SIPA1L2: variants seen among roughly 807,000 people sequenced by gnomAD.
SIPA1L2 encodes the protein signal-induced proliferation-associated 1-like protein 2.
In SIPA1L2, 56 loss-of-function variants were observed where a neutral mutation model predicts 163.9. The ratio of observed to expected loss-of-function variants is 0.34; its 90% CI spans 0.28 to 0.43. The LOEUF (loss-of-function observed/expected upper bound fraction) is 0.43. Ranked by LOEUF, SIPA1L2 falls within the 20% of genes least tolerant of loss-of-function variation. SIPA1L2 has a pLI of 1.00. For missense variants in SIPA1L2, 1,974 were observed against 2,193.5 expected (o/e 0.90, Z 2.00); for synonymous variants, 877 against 865.7 (o/e 1.01, Z -0.23).
At chr1:232,582,645 G>T (rs1660442184) in intron 1 of SIPA1L2, among the ~76,000 whole-genome samples, 2 of 152,074 alleles carry the variant, frequency 1.3e-5, no homozygotes, top group South Asian at 4.1e-4. Flanking sequence ...TTTGGTATAT[G>T]ATCTATTTTC....
At chr1:232,400,053 G>T (rs138383388) in intron 22 of SIPA1L2, among the ~76,000 whole-genome samples, 9 of 152,096 alleles carry the variant, frequency 5.9e-5, no homozygotes, top group Admixed American at 4.6e-4. Flanking sequence ...AGGCTTCCTC[G>T]TTTCCTGAGC....
At chr1:232,454,387 CA>C (rs377044025) in intron 10 of SIPA1L2, among the ~76,000 whole-genome samples, 8 of 152,334 alleles carry the variant, frequency 5.3e-5, no homozygotes, top group Middle Eastern at 3.4e-3. Context: ...GAAGCAGACA[CA>C]GGGGCAGATG....
At chr1:232,555,260 C>G (rs1336272110) in intron 2 of SIPA1L2, among the ~76,000 whole-genome samples, 3 of 152,200 alleles carry the variant, frequency 2.0e-5, no homozygotes, top group Non-Finnish European at 4.4e-5. Flanking sequence ...TCACCTCCAC[C>G]GGTAATCTGA....
chr1:232,419,782 A>G (rs897054919), intron 18 of SIPA1L2, among the ~76,000 whole-genome samples: 3 of 152,244 alleles, frequency 2.0e-5, no homozygotes, highest in Non-Finnish European at 4.4e-5. Context: ...ATTTCTTTAT[A>G]GCAATGCAAG....
At chr1:232,527,725 C>CTTTTTTTTTTTTTTT (rs57868657) in intron 2 of SIPA1L2, among the ~76,000 whole-genome samples, 2 of 80,944 alleles carry the variant, frequency 2.5e-5, no homozygotes, top group Non-Finnish European at 2.1e-5. Context: ...TCTTCTTCTT[C>CTTTTTTTTTTTTTTT]TTTTTTTTTT....
chr1:232,446,817 T>C (rs546128863), intron 10 of SIPA1L2, among the ~76,000 whole-genome samples: 1 of 152,352 alleles, frequency 6.6e-6, no homozygotes, highest in Non-Finnish European at 1.5e-5. Context: ...AGTCCCTCCA[T>C]AGTCACATTG....
intron 9 of SIPA1L2, 120 bp downstream of exon 9, chr1:232,464,720 A>G (rs1664417051): frequency 1.2e-6 from 1 of 824,018 alleles, no homozygotes; most frequent in African/African-American, 1.7e-5. Flanking sequence ...CTGTATCTGT[A>G]ACAAATAGTA....
chr1:232,556,634 TGTGTCTTCGG>T (rs1363112102), intron 2 of SIPA1L2, among the ~76,000 whole-genome samples: 1 of 152,068 alleles, frequency 6.6e-6, no homozygotes, highest in Non-Finnish European at 1.5e-5. Context: ...AAAGAAATTA[TGTGTCTTCGG>T]GAGCTGTTAT....
chr1:232,413,993 A>G (rs576087939), intron 19 of SIPA1L2, among the ~76,000 whole-genome samples: 2 of 152,150 alleles, frequency 1.3e-5, no homozygotes, highest in Admixed American at 1.3e-4. Context: ...GTCATGCCCA[A>G]GAAAGTGCTA....
At chr1:232,478,838 A>T (rs973901721) in intron 7 of SIPA1L2, among the ~76,000 whole-genome samples, 1 of 152,242 alleles carries the variant, frequency 6.6e-6, no homozygotes, top group Non-Finnish European at 1.5e-5. Flanking sequence ...TCAGCTTAAC[A>T]TGGGCAGAGC....
chr1:232,608,598 AT>A (rs1217703511), intron 1 of SIPA1L2, among the ~76,000 whole-genome samples: 1 of 152,228 alleles, frequency 6.6e-6, no homozygotes, highest in East Asian at 1.9e-4. Context: ...TCTCATTAAA[AT>A]AAAAAATTAT....
At chr1:232,544,617 C>T (rs1657917058) in intron 2 of SIPA1L2, among the ~76,000 whole-genome samples, 1 of 151,714 alleles carries the variant, frequency 6.6e-6, no homozygotes, top group Admixed American at 6.6e-5. Context: ...AAAAGAGCAT[C>T]TGCTCTAACA....
At position 232,406,820 on chromosome 1, in the gene SIPA1L2, A is replaced by G. The variant is rs561156521; in HGVS notation, c.4763-2642T>C. On this transcript the variant is annotated intron_variant, in intron 19 of 22. Coordinates refer to ENST00000674635, the MANE Select transcript of SIPA1L2 (RefSeq NM_020808.5). ...CAGATACATGCCAGATGGAACATCC[A>G]AGTACGAGGCTAGTTGAAATTAAAC... 3.1e-4 allele frequency among the ~76,000 whole-genome samples: 47 copies of G among 152,386 alleles called. No individual in the cohort carries two copies. The South Asian group carries it at 8.5e-3, about 28-fold the overall frequency.
chr1:232,583,107 AC>A (rs1197762009), intron 1 of SIPA1L2, among the ~76,000 whole-genome samples: 1 of 152,140 alleles, frequency 6.6e-6, no homozygotes, highest in Non-Finnish European at 1.5e-5. Context: ...TGTTCTTCCA[AC>A]TTGCCTGGGT....
intron 14 of SIPA1L2, among the ~76,000 whole-genome samples, chr1:232,440,823 A>G (rs534238560): frequency 2.0e-5 from 3 of 152,324 alleles, no homozygotes; most frequent in African/African-American, 7.2e-5. Context: ...CAACACATGC[A>G]AAGGACTGAG....
At chr1:232,407,193 T>C (rs1660690752) in intron 19 of SIPA1L2, among the ~76,000 whole-genome samples, 1 of 152,268 alleles carries the variant, frequency 6.6e-6, no homozygotes, top group African/African-American at 2.4e-5. Context: ...TTCAATTTAC[T>C]TTTGAGATAA....
intron 7 of SIPA1L2, among the ~76,000 whole-genome samples, chr1:232,472,289 C>T (rs1472891373): frequency 2.0e-5 from 3 of 152,108 alleles, no homozygotes; most frequent in East Asian, 1.9e-4. Flanking sequence ...TCCTATTTCC[C>T]GGGCCTATTT....
chr1:232,422,577 G>A (rs1661636526), intron 18 of SIPA1L2, among the ~76,000 whole-genome samples: 1 of 152,100 alleles, frequency 6.6e-6, no homozygotes, highest in Non-Finnish European at 1.5e-5. Flanking sequence ...GTCTCTCCTG[G>A]TGAAAGATTC....
At chr1:232,439,806 A>T (rs1014188280) in intron 14 of SIPA1L2, among the ~76,000 whole-genome samples, 2 of 152,236 alleles carry the variant, frequency 1.3e-5, no homozygotes, top group Non-Finnish European at 2.9e-5. Flanking sequence ...AAGGTGATAT[A>T]AACTGGGAAG....
Sources: allele counts gnomAD v4.1 joint callset (sites outside exome capture counted in the v4.1 genomes callset), GRCh38; gene constraint gnomAD v4.1.1; transcripts MANE v1.5; gene names NCBI Gene and HGNC (gene_info 2026-07-23, HGNC 2026-07-21).